VSIG10: variants seen among roughly 807,000 people sequenced by gnomAD.
VSIG10 encodes the protein V-set and immunoglobulin domain-containing protein 10.
A neutral mutation model predicts 58.7 loss-of-function variants in VSIG10; 48 were observed. That is an observed-to-expected ratio of 0.82 (90% CI 0.65 to 1.04). The LOEUF is 1.04. Among genes scored for constraint, VSIG10 ranks in the 50% least tolerant of loss-of-function variants. The probability of loss-of-function intolerance (pLI) is 0.00; values close to 1 mark genes in which losing one functional copy is unlikely to be tolerated. For missense variants in VSIG10, 628 were observed against 670.0 expected (o/e 0.94, Z 0.69); for synonymous variants, 260 against 267.1 (o/e 0.97, Z 0.26).
chr12:118,086,355 C>G (rs1168366793), intron 2 of VSIG10, among the ~76,000 whole-genome samples: 3 of 151,964 alleles, frequency 2.0e-5, no homozygotes, highest in Non-Finnish European at 2.9e-5. Flanking sequence ...GTAATCCCAG[C>G]TACTTGGGAG....
intron 4 of VSIG10, 78 bp from the exon 5 acceptor site, chr12:118,074,070 G>A (rs1423975907): frequency 1.4e-6 from 2 of 1,466,316 alleles, no homozygotes; most frequent in South Asian, 1.4e-5. Flanking sequence ...GAAAACTGCA[G>A]TAGTTTTTTG....
intron 4 of VSIG10, among the ~76,000 whole-genome samples, chr12:118,078,559 A>G (rs527551716): frequency 1.6e-4 from 24 of 152,210 alleles, no homozygotes; most frequent in African/African-American, 5.8e-4. Flanking sequence ...ACCTTCTGTC[A>G]TGAGCAGAAG....
intron 1 of VSIG10, 136 bp from the exon 2 acceptor site, chr12:118,095,950 G>A: frequency 9.3e-7 from 1 of 1,074,644 alleles, no homozygotes; most frequent in Non-Finnish European, 1.3e-6. Context: ...TTTTGAGACG[G>A]AGTCCCACTC....
rs1244975724 is a variant in VSIG10, at chr12:118,064,341, A to T, written c.*2298T>A. The T allele has an allele frequency of 6.6e-6, 1 of 152,162 alleles. No homozygotes were observed. Among genetic ancestry groups the T allele is most frequent in the Admixed American group, 6.6e-5 (1 of 15,266 alleles). The allele number at this position is 152,162 out of a possible 1,614,324, so 9.4% of individuals were successfully genotyped here. On this transcript the variant is annotated 3_prime_UTR_variant, in exon 9 of 9. Coordinates refer to ENST00000359236, the MANE Select transcript of VSIG10 (RefSeq NM_019086.6). ...CCATTTGGTAGTGGAAAAACCCTCAAATATTTCCTATCAACAGATGTGTGT... is the reference window on the plus strand; with the variant it reads ...CCATTTGGTAGTGGAAAAACCCTCATATATTTCCTATCAACAGATGTGTGT...
At chr12:118,091,255 G>A (rs969683302) in intron 2 of VSIG10, among the ~76,000 whole-genome samples, 2 of 152,166 alleles carry the variant, frequency 1.3e-5, no homozygotes, top group African/African-American at 4.8e-5. Flanking sequence ...CACTTTGGGA[G>A]GTCGAGGCAG....
At chr12:118,069,129 G>T (rs2032376792) in intron 7 of VSIG10, among the ~76,000 whole-genome samples, 1 of 151,068 alleles carries the variant, frequency 6.6e-6, no homozygotes, top group African/African-American at 2.4e-5. Context: ...TTGCGCTGTT[G>T]CCCAGGCTAG....
rs1356482465 is a variant in VSIG10, at chr12:118,066,361, A to C, written c.*278T>G. The C allele has an allele frequency of 8.4e-6, 4 of 475,534 alleles. No individual in the cohort carries two copies. Among genetic ancestry groups the C allele is most frequent in the Non-Finnish European group, 1.5e-5 (4 of 260,368 alleles). 29.5% of individuals were successfully genotyped at this position (475,534 alleles called of 1,614,324 possible). ...ACAGTAGATCAACCTGGATAAAGCC[A>C]GGATTCACAGCAGAAGTGGCACCTC... On this transcript the variant is annotated 3_prime_UTR_variant, in exon 9 of 9. Transcript: ENST00000359236.
intron 4 of VSIG10, 135 bp downstream of exon 4, chr12:118,079,210 GA>G: frequency 7.8e-7 from 1 of 1,285,522 alleles, no homozygotes; most frequent in South Asian, 1.6e-5. Context: ...TAAAGAAAAA[GA>G]AAGGGAGAAA....
intron 5 of VSIG10, among the ~76,000 whole-genome samples, chr12:118,071,777 A>G (rs959385272): frequency 1.3e-5 from 2 of 152,268 alleles, no homozygotes; most frequent in African/African-American, 4.8e-5. Context: ...TGATAAACAG[A>G]GTGATCAACG....
intron 8 of VSIG10, among the ~76,000 whole-genome samples, chr12:118,067,537 C>T (rs1239544234): frequency 6.7e-6 from 1 of 150,320 alleles, no homozygotes; most frequent in Non-Finnish European, 1.5e-5. Context: ...GATCTCGGCT[C>T]ACTGCAGCCT....
chr12:118,079,371 C>CTT lies in VSIG10; in HGVS notation c.899_900insAA (p.Gly301ArgfsTer19). On this transcript the variant is annotated frameshift_variant, in exon 4 of 9. Transcript: ENST00000359236. LOFTEE classifies it high-confidence loss of function. The stretch of plus-strand genomic sequence containing the variant: ...TGATCTGCACCATGCAGCTGGCGCC[C>CTT]GACTCTGGCCCAACTATGTGGCTTG... The CTT allele has an allele frequency of 6.2e-7, 1 of 1,613,962 alleles. No homozygotes were observed. The highest frequency in any genetic ancestry group is 8.5e-7 in the Non-Finnish European group (1 of 1,179,866).
intron 7 of VSIG10, 33 bp from the exon 8 acceptor site, chr12:118,068,630 AT>A: frequency 6.7e-7 from 1 of 1,497,902 alleles, no homozygotes; most frequent in Non-Finnish European, 8.9e-7. Flanking sequence ...AATCAAGAAG[AT>A]TTCTTATTTT....
Position 118,082,217 on chromosome 12 carries a change from A to G in VSIG10, c.574T>C (p.Ser192Pro). Residue 192 changes from serine (S) to proline (P), a missense_variant, in exon 3 of 9, where the codon TCG (serine) becomes CCG (proline). Coordinates refer to ENST00000359236, the MANE Select transcript of VSIG10 (RefSeq NM_019086.6). ...TVNFFSLLLI[S>P]PNLQGNYTCL... ...GTGTAGTTCCCTTGGAGGTTTGGCG[A>G]TATCAGTAACAGTGAGAAAAAGTTG... 2.5e-6 allele frequency: 4 copies of G among 1,613,894 alleles called. No individual in the cohort carries two copies. Among genetic ancestry groups the G allele is most frequent in the Non-Finnish European group, 3.4e-6 (4 of 1,179,870 alleles).
intron 7 of VSIG10, among the ~76,000 whole-genome samples, chr12:118,069,871 T>C (rs2032416114): frequency 6.6e-6 from 1 of 152,132 alleles, no homozygotes; most frequent in African/African-American, 2.4e-5. Flanking sequence ...GTCAGGGATT[T>C]TCTATGGGTA....
chr12:118,083,928 C>G (rs138528790), intron 2 of VSIG10, among the ~76,000 whole-genome samples: 2,093 of 152,108 alleles, frequency 0.014, 43 homozygotes, highest in African/African-American at 0.046. Flanking sequence ...CGAGACCAGC[C>G]TGGGCAACAT....
intron 1 of VSIG10, chr12:118,101,543 C>T (rs1047301193): frequency 6.6e-6 from 1 of 152,064 alleles, no homozygotes; most frequent in Non-Finnish European, 1.5e-5. Flanking sequence ...AATAGAGAAC[C>T]GAAGAGGGAG....
intron 4 of VSIG10, among the ~76,000 whole-genome samples, chr12:118,078,344 A>G (rs2032809122): frequency 6.6e-6 from 1 of 152,012 alleles, no homozygotes; most frequent in Non-Finnish European, 1.5e-5. Context: ...TTTTTAGTAG[A>G]GATGGGGTTT....
At chr12:118,083,624 A>G (rs2137906389) in intron 2 of VSIG10, among the ~76,000 whole-genome samples, 1 of 152,096 alleles carries the variant, frequency 6.6e-6, no homozygotes, top group East Asian at 1.9e-4. Flanking sequence ...TCATGTGCCT[A>G]TAGTCCCAGG....
At chr12:118,087,652 T>C (rs763058932) in intron 2 of VSIG10, among the ~76,000 whole-genome samples, 2 of 151,264 alleles carry the variant, frequency 1.3e-5, no homozygotes, top group Admixed American at 6.6e-5. Flanking sequence ...GCCTGGGCAA[T>C]ATAGTGAGAC....
Sources: allele counts gnomAD v4.1 joint callset (sites outside exome capture counted in the v4.1 genomes callset), GRCh38; gene constraint gnomAD v4.1.1; transcripts MANE v1.5; gene names NCBI Gene and HGNC (gene_info 2026-07-23, HGNC 2026-07-21).